Variants in ANKS6 observed in about 807,000 individuals in gnomAD.
ANKS6 encodes ankyrin repeat and sterile alpha motif domain containing 6.
A neutral mutation model predicts 77.9 loss-of-function variants in ANKS6; 47 were observed. The ratio of observed to expected loss-of-function variants is 0.60; its 90% confidence interval spans 0.48 to 0.77. The LOEUF (loss-of-function observed/expected upper bound fraction) is 0.77. ANKS6 is among the 30% of genes least tolerant of loss of function. The probability of loss-of-function intolerance (pLI) is 0.00; values close to 1 mark genes in which losing one functional copy is unlikely to be tolerated. For missense variants in ANKS6, 1,150 were observed against 1,159.1 expected (o/e 0.99, Z 0.11); for synonymous variants, 488 against 501.7 (o/e 0.97, Z 0.37).
chr9:98,782,348 G>T, intron 5 of ANKS6, 119 bp downstream of exon 5: 1 of 900,610 alleles, frequency 1.1e-6, no homozygotes, highest in South Asian at 1.6e-5. Context: ...ACTTGAGAGT[G>T]ACTTTCCCCC....
chr9:98,744,159 G>A (rs1564176107), intron 14 of ANKS6, among the ~76,000 whole-genome samples: 1 of 152,232 alleles, frequency 6.6e-6, no homozygotes, highest in African/African-American at 2.4e-5. Flanking sequence ...CATTTACAGA[G>A]GAGAAGGAAC....
chr9:98,780,431 G>T, intron 5 of ANKS6, 94 bp from the exon 6 acceptor site: 1 of 1,369,514 alleles, frequency 7.3e-7, no homozygotes, highest in Non-Finnish European at 9.9e-7. Flanking sequence ...TTAGAACTCA[G>T]CCCTGCAGCT....
At chr9:98,754,363 C>T (rs3983389) in intron 12 of ANKS6, among the ~76,000 whole-genome samples, 4 of 152,088 alleles carry the variant, frequency 2.6e-5, no homozygotes, top group Non-Finnish European at 4.4e-5. Flanking sequence ...CTTTGGGGGC[C>T]GGGCGTGGTG....
chr9:98,796,449 G>A lies in ANKS6; in HGVS notation c.43C>T (p.Arg15Cys), dbSNP rs1453527417. 2.0e-6 allele frequency: 2 copies of A among 993,930 alleles called. No individual in the cohort carries two copies. The highest frequency in any genetic ancestry group is 2.4e-6 in the Non-Finnish European group (2 of 837,514). 61.6% of individuals were successfully genotyped at this position (993,930 alleles called of 1,614,324 possible). ...GLPPAFQLLL[R>C]ACDQGDTETA... ...TCCGTGTCGCCCTGGTCACACGCGC[G>A]CAGCAGCAGCTGGAAGGCCGGGGGC... is the stretch of plus-strand genomic sequence containing the variant. Residue 15 changes from arginine to cysteine, a missense_variant, in exon 1 of 15, where the codon CGC becomes TGC. Physicochemically the swap from Arg to Cys is radical, Grantham distance 180 (BLOSUM62 -3). Coordinates refer to ENST00000353234, the MANE Select transcript of ANKS6 (RefSeq NM_173551.5).
chr9:98,767,958 C>A, intron 11 of ANKS6, 123 bp downstream of exon 11: 1 of 1,336,140 alleles, frequency 7.5e-7, no homozygotes, highest in South Asian at 1.5e-5. Context: ...GAGTGGCTGG[C>A]TGGAAGGGGC....
chr9:98,747,145 T>C (rs2117857074), intron 13 of ANKS6, among the ~76,000 whole-genome samples: 1 of 152,378 alleles, frequency 6.6e-6, no homozygotes. Flanking sequence ...TACCAGATAC[T>C]ATTACACTTT....
At chr9:98,748,546 G>T (rs963816534) in intron 13 of ANKS6, among the ~76,000 whole-genome samples, 3 of 152,148 alleles carry the variant, frequency 2.0e-5, no homozygotes, top group Non-Finnish European at 4.4e-5. Flanking sequence ...GGACTTTGGG[G>T]AAGTCTCTTT....
rs953071143 is a variant in ANKS6 at position 98,791,321 on chromosome 9, C to T, written c.360-715G>A. Among the ~76,000 whole-genome samples, 2 of 152,214 alleles carry T rather than the reference C, an allele frequency of 1.3e-5. No homozygotes were observed. The highest frequency in any genetic ancestry group is 6.5e-5 in the Admixed American group (1 of 15,286). On this transcript the variant is annotated intron_variant, in intron 1 of 14. Coordinates refer to ENST00000353234, the MANE Select transcript of ANKS6 (RefSeq NM_173551.5). This position sits in a 1 kb window ranked among gnomAD's most constrained non-coding sequence, Gnocchi z 4.3. Reference sequence around the variant, plus strand: ...TGGTCAGCAGATAGGCTGGGCATTGCGGCCTGGAGGCCTGCTGCCACCTGC... The same window carrying T: ...TGGTCAGCAGATAGGCTGGGCATTGTGGCCTGGAGGCCTGCTGCCACCTGC...
rs1480325652 is a variant in ANKS6, at chr9:98,796,210, C to T, written c.282G>A (p.Val94=). The T allele has an allele frequency of 7.1e-6, 10 of 1,415,806 alleles. No individual in the cohort carries two copies. Among genetic ancestry groups the T allele is most frequent in the Non-Finnish European group, 6.5e-6 (7 of 1,083,976 alleles). The allele number at this position is 1,415,806 out of a possible 1,614,324, so 87.7% of individuals were successfully genotyped here. Residue 94 remains valine (V), a synonymous_variant, in exon 1 of 15, where the codon GTG becomes GTA. Coordinates refer to ENST00000353234, the MANE Select transcript of ANKS6 (RefSeq NM_173551.5). Reference sequence around the variant, plus strand: ...AGGCACCGCGGCGCAGCAGGAAGCGCACCAGCGGTTCGTGGCCCCCGGCCG... The same window carrying T: ...AGGCACCGCGGCGCAGCAGGAAGCGTACCAGCGGTTCGTGGCCCCCGGCCG... The part of the protein sequence containing the change: ...FAAAGGHEPL[V]RFLLRRGASV...
At chr9:98,754,511 G>A (rs1349568050) in intron 12 of ANKS6, among the ~76,000 whole-genome samples, 6 of 151,946 alleles carry the variant, frequency 3.9e-5, no homozygotes, top group Non-Finnish European at 5.9e-5. Flanking sequence ...GCGTGGTGGC[G>A]GGCACCTGAG....
intron 11 of ANKS6, among the ~76,000 whole-genome samples, chr9:98,757,630 C>T (rs2117937450): frequency 6.6e-6 from 1 of 152,188 alleles, no homozygotes; most frequent in Non-Finnish European, 1.5e-5. Context: ...CACTATTTTT[C>T]TTTTTAATAT....
At chr9:98,776,404 T>C (rs1239861009) in intron 8 of ANKS6, among the ~76,000 whole-genome samples, 3 of 150,730 alleles carry the variant, frequency 2.0e-5, no homozygotes, top group African/African-American at 4.9e-5. Context: ...AAAACCCTTT[T>C]TTTTTTTTTT....
chr9:98,790,695 C>T (rs1035301924), intron 1 of ANKS6, 89 bp from the exon 2 acceptor site: 6 of 1,489,110 alleles, frequency 4.0e-6, no homozygotes, highest in African/African-American at 2.8e-5. Flanking sequence ...AATTATTAGT[C>T]CTGACAGCTG....
Position 98,736,089 on chromosome 9 carries a change from T to A in ANKS6, c.*430A>T. ...TCCTCTGCATCCAGGTGGGGCCACA[T>A]GACTACCAGTGGCCAAGAGGACGTG... On this transcript the variant is annotated 3_prime_UTR_variant, in exon 15 of 15. Coordinates refer to ENST00000353234, the MANE Select transcript of ANKS6 (RefSeq NM_173551.5). The A allele has an allele frequency of 8.6e-7, 1 of 1,160,126 alleles. No homozygotes were observed. Among genetic ancestry groups the A allele is most frequent in the East Asian group, 4.2e-5 (1 of 24,042 alleles). The allele number at this position is 1,160,126 out of a possible 1,614,324, so 71.9% of individuals were successfully genotyped here. A position where few individuals can be genotyped will look rare whatever the true frequency, so the allele number is the denominator to read the frequency against.
chr9:98,734,408 T>G lies in ANKS6; in HGVS notation c.*2111A>C. ...TGGAAGCTATACCAGTATATTGTTATGAAAAAAACAGGACCACAGCAAAAA... is the reference window on the plus strand; with the variant it reads ...TGGAAGCTATACCAGTATATTGTTAGGAAAAAAACAGGACCACAGCAAAAA... On this transcript the variant is annotated 3_prime_UTR_variant, in exon 15 of 15. Transcript: ENST00000353234. 2 of 985,366 alleles carry G rather than the reference T, an allele frequency of 2.0e-6. No homozygotes were observed. Among genetic ancestry groups the G allele is most frequent in the Non-Finnish European group, 1.2e-6 (1 of 829,924 alleles). The allele number at this position is 985,366 out of a possible 1,614,324, so 61.0% of individuals were successfully genotyped here. A position where few individuals can be genotyped will look rare whatever the true frequency, so the allele number is the denominator to read the frequency against.
intron 14 of ANKS6, among the ~76,000 whole-genome samples, chr9:98,740,490 A>C (rs1168071585): frequency 6.6e-6 from 1 of 152,226 alleles, no homozygotes; most frequent in Non-Finnish European, 1.5e-5. Context: ...CCAGCGCTGC[A>C]CTGAAGCTCA....
intron 8 of ANKS6, among the ~76,000 whole-genome samples, chr9:98,776,327 A>G (rs984635184): frequency 2.6e-5 from 4 of 152,130 alleles, no homozygotes; most frequent in African/African-American, 9.7e-5. Flanking sequence ...AGATGGGCAC[A>G]GGACCACTTG....
chr9:98,745,549 A>G lies in ANKS6; in HGVS notation c.2511+10T>C. 1 of 1,606,092 alleles carries G rather than the reference A, an allele frequency of 6.2e-7. No homozygotes were observed. Among genetic ancestry groups the G allele is most frequent in the Non-Finnish European group, 8.5e-7 (1 of 1,172,556 alleles). Reference sequence around the variant, plus strand: ...TGAAACACGGAAATACAAGAAACAGAGAACGGTACCTTGCCTGCGTTCAGT... The same window carrying G: ...TGAAACACGGAAATACAAGAAACAGGGAACGGTACCTTGCCTGCGTTCAGT... On this transcript the variant is annotated intron_variant, in intron 14 of 14. Coordinates refer to ENST00000353234, the MANE Select transcript of ANKS6 (RefSeq NM_173551.5).
At chr9:98,747,334 G>A (rs568080639) in intron 13 of ANKS6, among the ~76,000 whole-genome samples, 145 of 131,760 alleles carry the variant, frequency 1.1e-3, no homozygotes, top group Non-Finnish European at 2.0e-3. Flanking sequence ...AATTTTCCCC[G>A]CCCCCACCTC....
Sources: gnomAD v4.1 joint callset for allele counts (sites outside exome capture counted in the v4.1 genomes callset) on GRCh38, gnomAD v4.1.1 for gene constraint, Gnocchi (gnomAD v3.1) non-coding constraint, MANE v1.5 for transcripts, NCBI Gene and HGNC (gene_info 2026-07-23, HGNC 2026-07-21) for gene names.